CPXM2: variants seen among roughly 807,000 people sequenced by gnomAD.
CPXM2 encodes inactive carboxypeptidase-like protein X2.
Under a neutral mutation model 86.1 loss-of-function variants are expected in CPXM2, and 66 were observed. The observed-to-expected ratio is 0.77, with a 90% CI of 0.63 to 0.94. The LOEUF is 0.94. Ranked by LOEUF, CPXM2 falls within the 40% of genes least tolerant of loss-of-function variation. CPXM2 has a pLI of 0.00. For missense variants in CPXM2, 948 were observed against 1,026.3 expected (o/e 0.92, Z 1.04); for synonymous variants, 388 against 400.2 (o/e 0.97, Z 0.36).
chr10:123,786,139 CT>C (rs1392472706), intron 6 of CPXM2, among the ~76,000 whole-genome samples: 1 of 152,174 alleles, frequency 6.6e-6, no homozygotes, highest in Non-Finnish European at 1.5e-5. Flanking sequence ...GCAGATGTAG[CT>C]TTAATCTTGA....
At chr10:123,771,280 C>T (rs181159620) in intron 7 of CPXM2, among the ~76,000 whole-genome samples, 2 of 152,290 alleles carry the variant, frequency 1.3e-5, no homozygotes, top group Admixed American at 1.3e-4. Context: ...GAGGAAACTC[C>T]TGGCCATTGC....
intron 2 of CPXM2, among the ~76,000 whole-genome samples, chr10:123,911,585 G>C (rs1945488468): frequency 6.6e-6 from 1 of 151,856 alleles, no homozygotes; most frequent in Non-Finnish European, 1.5e-5. Context: ...GCCATGAACG[G>C]AAACAGCTCC....
intron 2 of CPXM2, among the ~76,000 whole-genome samples, chr10:123,913,017 G>A (rs544674440): frequency 5.1e-4 from 78 of 152,232 alleles, no homozygotes; most frequent in Middle Eastern, 6.8e-3. Flanking sequence ...ATGGATCCCC[G>A]GGCTCTACTC....
intron 2 of CPXM2, among the ~76,000 whole-genome samples, chr10:123,937,666 T>C (rs1393881419): frequency 1.3e-5 from 2 of 152,168 alleles, no homozygotes; most frequent in Non-Finnish European, 2.9e-5. Flanking sequence ...AAATTCACAA[T>C]GAGCTTTCTC....
intron 4 of CPXM2, among the ~76,000 whole-genome samples, chr10:123,800,628 C>T (rs377517971): frequency 4.6e-5 from 7 of 151,614 alleles, no homozygotes; most frequent in African/African-American, 1.7e-4. Flanking sequence ...TGTATCCTGC[C>T]GAGAGAGAGG....
intron 2 of CPXM2, among the ~76,000 whole-genome samples, chr10:123,902,256 G>C (rs958556261): frequency 1.3e-5 from 2 of 152,202 alleles, no homozygotes; most frequent in Non-Finnish European, 2.9e-5. Flanking sequence ...GGAGTAATCT[G>C]ACATGGGCCT....
chr10:123,905,726 C>T (rs1026678475), intron 2 of CPXM2, among the ~76,000 whole-genome samples: 2 of 152,158 alleles, frequency 1.3e-5, no homozygotes, highest in Non-Finnish European at 2.9e-5. Flanking sequence ...GTCAGACCAT[C>T]CTGGGGGTCC....
chr10:123,822,746 A>C (rs1381291822), intron 4 of CPXM2, among the ~76,000 whole-genome samples: 32 of 151,804 alleles, frequency 2.1e-4, no homozygotes, highest in Admixed American at 2.0e-3. Context: ...TAATAATAAT[A>C]ATAATAGAAT....
upstream of CPXM2, among the ~76,000 whole-genome samples, chr10:123,895,775 T>C (rs377297956): frequency 4.6e-5 from 7 of 152,316 alleles, no homozygotes; most frequent in African/African-American, 1.7e-4. Context: ...TCGGGGGTAG[T>C]AATGGGGGCA....
chr10:123,865,445 G>C lies in CPXM2; in HGVS notation c.404-2722C>G, dbSNP rs1318620368. 1.3e-5 allele frequency among the ~76,000 whole-genome samples: 2 copies of C among 152,164 alleles called. No homozygotes were observed. Among genetic ancestry groups the C allele is most frequent in the African/African-American group, 4.8e-5 (2 of 41,438 alleles). On this transcript the variant is annotated intron_variant, in intron 2 of 13. Coordinates refer to ENST00000241305, the MANE Select transcript of CPXM2 (RefSeq NM_198148.3). This position sits in a 1 kb window ranked among gnomAD's most constrained non-coding sequence, Gnocchi z 4.7. Reference sequence around the variant, plus strand: ...GGAAGGGAAATCCCTAGAGAAATGAGAGGGATGGCAGAAAGTGAGAAGGAC... The same window carrying C: ...GGAAGGGAAATCCCTAGAGAAATGACAGGGATGGCAGAAAGTGAGAAGGAC...
intron 12 of CPXM2, among the ~76,000 whole-genome samples, chr10:123,755,421 C>G (rs1846181704): frequency 6.6e-6 from 1 of 152,208 alleles, no homozygotes; most frequent in Non-Finnish European, 1.5e-5. Flanking sequence ...GATTGCCTGG[C>G]TCTGTGTGGA....
chr10:123,804,250 T>C (rs559102757), intron 4 of CPXM2, among the ~76,000 whole-genome samples: 16 of 152,328 alleles, frequency 1.1e-4, no homozygotes, highest in African/African-American at 3.4e-4. Context: ...TGCAGTCCTA[T>C]ATAAATTTTA....
At chr10:123,906,514 G>T (rs1243970381) in intron 2 of CPXM2, among the ~76,000 whole-genome samples, 1 of 152,168 alleles carries the variant, frequency 6.6e-6, no homozygotes, top group Non-Finnish European at 1.5e-5. Context: ...TCACTCAGCT[G>T]CCTCTGAGGT....
At chr10:123,921,929 C>T (rs1031199005) in intron 2 of CPXM2, among the ~76,000 whole-genome samples, 6 of 151,922 alleles carry the variant, frequency 3.9e-5, no homozygotes, top group African/African-American at 1.5e-4. Context: ...TGTGTGATGC[C>T]TGATGCCTTT....
chr10:123,923,454 G>C (rs535782346), intron 2 of CPXM2, among the ~76,000 whole-genome samples: 2 of 150,716 alleles, frequency 1.3e-5, no homozygotes, highest in East Asian at 2.0e-4. Context: ...GGTGGCGGGC[G>C]CCTGTAGTCC....
intron 7 of CPXM2, among the ~76,000 whole-genome samples, chr10:123,779,425 C>A (rs1183994890): frequency 6.6e-6 from 1 of 152,216 alleles, no homozygotes; most frequent in Non-Finnish European, 1.5e-5. Flanking sequence ...GGAAAAATCT[C>A]ATCTGGGATT....
intron 2 of CPXM2, among the ~76,000 whole-genome samples, chr10:123,933,547 A>G (rs1460100548): frequency 6.6e-6 from 1 of 151,984 alleles, no homozygotes; most frequent in Admixed American, 6.6e-5. Flanking sequence ...GTGAAACCCC[A>G]TCTCTACTAA....
In CPXM2 at chr10:123,891,683, G is replaced by A; in HGVS notation, c.-24C>T. Reference sequence around the variant, plus strand: ...ATGCCTGCTCCGCCCCGCGCCCAGGGCAGGGTCACGGTCACCGGGGGCGCC... The same window carrying A: ...ATGCCTGCTCCGCCCCGCGCCCAGGACAGGGTCACGGTCACCGGGGGCGCC... On this transcript the variant is annotated 5_prime_UTR_variant, in exon 1 of 14. Coordinates refer to ENST00000241305, the MANE Select transcript of CPXM2 (RefSeq NM_198148.3). The surrounding 1 kb of genome is among the most constrained non-coding windows in gnomAD (Gnocchi z 5.6). The A allele has an allele frequency of 1.5e-6, 2 of 1,351,978 alleles. No homozygotes were observed. Among genetic ancestry groups the A allele is most frequent in the Non-Finnish European group, 1.9e-6 (2 of 1,053,294 alleles). The allele number at this position is 1,351,978 out of a possible 1,614,324, so 83.7% of individuals were successfully genotyped here.
intron 4 of CPXM2, among the ~76,000 whole-genome samples, chr10:123,838,447 C>T (rs776109053): frequency 4.7e-4 from 72 of 152,192 alleles, no homozygotes; most frequent in Non-Finnish European, 8.7e-4. Context: ...GAGCGAGACT[C>T]CATCTAAAAA....
Sources: gnomAD v4.1 joint callset for allele counts (sites outside exome capture counted in the v4.1 genomes callset) on GRCh38, gnomAD v4.1.1 for gene constraint, Gnocchi (gnomAD v3.1) non-coding constraint, MANE v1.5 for transcripts, NCBI Gene and HGNC (gene_info 2026-07-23, HGNC 2026-07-21) for gene names.